REPS2: variants seen among roughly 807,000 people sequenced by gnomAD.
The protein encoded by REPS2 is RALBP1 associated Eps domain containing 2.
REPS2 carries 23 observed loss-of-function variants against 53.6 expected under a neutral mutation model. That is an observed-to-expected ratio of 0.43 (90% CI 0.31 to 0.61). The LOEUF (loss-of-function observed/expected upper bound fraction) is 0.61. REPS2 is among the 20% of genes least tolerant of loss of function. The pLI, the probability that REPS2 is intolerant of heterozygous loss-of-function variation, is 0.11. For synonymous variants in REPS2, 238 were observed against 218.6 expected (o/e 1.09, Z -0.78); for missense variants, 446 against 534.9 (o/e 0.83, Z 1.64).
At chrX:17,075,242 G>A (rs2062363299) in intron 12 of REPS2, among the ~76,000 whole-genome samples, 2 of 112,067 alleles carry the variant, frequency 1.8e-5, no homozygotes, top group Admixed American at 1.9e-4. Flanking sequence ...TGTGGGATAT[G>A]CTTTCATAGT....
In REPS2 at chrX:16,963,049, C is replaced by T. The variant is rs769562472; in HGVS notation, c.273+15915C>T. On this transcript the variant is annotated intron_variant, in intron 1 of 17. Transcript: ENST00000357277. ...GAAAGGTAGAGGCTGCAGTGACCTG[C>T]GATTGCACCACTGCACTCCAGCCTG... Among the ~76,000 whole-genome samples, 6 of 111,321 alleles carry T rather than the reference C, an allele frequency of 5.4e-5. No individual in the cohort carries two copies. The East Asian group carries it at 1.1e-3, about 21-fold the overall frequency.
intron 14 of REPS2, among the ~76,000 whole-genome samples, chrX:17,119,032 C>T (rs191454356): frequency 6.2e-5 from 7 of 112,531 alleles, no homozygotes; most frequent in African/African-American, 9.7e-5. Context: ...ACAGAGTGCC[C>T]GATGCTCTTC....
chrX:17,113,091 C>CAAAAA (rs10567369), intron 14 of REPS2, among the ~76,000 whole-genome samples: 20 of 13,556 alleles, frequency 1.5e-3, no homozygotes, highest in African/African-American at 2.9e-3. Context: ...GACTCTGTCT[C>CAAAAA]AAAAAAAAAA....
In REPS2 at chrX:16,964,356, C is replaced by T. The variant is rs1429720194; in HGVS notation, c.273+17222C>T. Among the ~76,000 whole-genome samples, 6 of 108,708 alleles carry T rather than the reference C, an allele frequency of 5.5e-5. 1 individual carries two copies. Among genetic ancestry groups the T allele is most frequent in the African/African-American group, 1.4e-4 (4 of 29,149 alleles). The allele number at this position is 108,708 out of a possible 115,157, so 94.4% of individuals were successfully genotyped here. A position where few individuals can be genotyped will look rare whatever the true frequency, so the allele number is the denominator to read the frequency against. ...AGCACCGGGTTGGGGGTAAGGTCACCGATCAACAGGATCCCAAGGCAGAAG... is the reference window on the plus strand; with the variant it reads ...AGCACCGGGTTGGGGGTAAGGTCACTGATCAACAGGATCCCAAGGCAGAAG... On this transcript the variant is annotated intron_variant, in intron 1 of 17. Transcript: ENST00000357277.
At chrX:17,013,649 TG>T (rs1211028228) in intron 2 of REPS2, among the ~76,000 whole-genome samples, 47 of 110,028 alleles carry the variant, frequency 4.3e-4, no homozygotes, top group African/African-American at 1.5e-3. Context: ...TGTGTGTGTG[TG>T]TGTGTGTGTG....
intron 1 of REPS2, among the ~76,000 whole-genome samples, chrX:16,965,130 G>C (rs2060732380): frequency 1.1e-5 from 1 of 92,260 alleles, no homozygotes; most frequent in Non-Finnish European, 2.2e-5. Flanking sequence ...CGGCTGGCCG[G>C]GTGGGGGGCT....
chrX:16,982,650 A>G (rs757070469), intron 1 of REPS2, among the ~76,000 whole-genome samples: 2 of 112,137 alleles, frequency 1.8e-5, no homozygotes, highest in South Asian at 3.7e-4. Context: ...TTCACTGTCC[A>G]TTTATTACCA....
At chrX:17,063,799 C>G (rs990259163) in intron 9 of REPS2, among the ~76,000 whole-genome samples, 51 of 110,494 alleles carry the variant, frequency 4.6e-4, no homozygotes, top group African/African-American at 1.6e-3. Context: ...ATCTATGGCT[C>G]TCTGACTATG....
chrX:17,045,960 TG>T (rs2061899354), intron 5 of REPS2, among the ~76,000 whole-genome samples: 1 of 108,537 alleles, frequency 9.2e-6, no homozygotes, highest in Non-Finnish European at 1.9e-5. Flanking sequence ...TGTGTGTGTG[TG>T]GGTGTGGGGA....
chrX:17,158,579 GA>G, the REPS2 span, among the ~76,000 whole-genome samples: 6 of 111,805 alleles, frequency 5.4e-5, no homozygotes, highest in African/African-American at 9.7e-5. Context: ...ACTAACTTTA[GA>G]AAAAAAATTG....
intron 14 of REPS2, among the ~76,000 whole-genome samples, chrX:17,126,793 A>G (rs923564439): frequency 4.5e-5 from 5 of 111,863 alleles, no homozygotes; most frequent in Non-Finnish European, 9.4e-5. Flanking sequence ...CTTTAGCACA[A>G]CAGGAGAGTT....
At chrX:16,995,984 C>T (rs948078399) in intron 1 of REPS2, among the ~76,000 whole-genome samples, 3 of 111,162 alleles carry the variant, frequency 2.7e-5, no homozygotes, top group African/African-American at 9.8e-5. Context: ...ATAGTATCTA[C>T]AGGTAGTTCC....
At chrX:17,116,297 C>A (rs1024180860) in intron 14 of REPS2, among the ~76,000 whole-genome samples, 2 of 110,459 alleles carry the variant, frequency 1.8e-5, no homozygotes, top group African/African-American at 6.6e-5. Flanking sequence ...GCAGCCTCAA[C>A]CTCCTGGGCT....
chrX:17,078,137 C>T (rs927757012), intron 13 of REPS2, among the ~76,000 whole-genome samples: 7 of 112,234 alleles, frequency 6.2e-5, no homozygotes, highest in African/African-American at 1.9e-4. Flanking sequence ...TGATAGGATA[C>T]GGTGCTGTCC....
intron 14 of REPS2, among the ~76,000 whole-genome samples, chrX:17,118,667 A>G (rs1385986065): frequency 8.9e-6 from 1 of 111,857 alleles, no homozygotes; most frequent in Admixed American, 9.5e-5. Context: ...ACAAAAATTA[A>G]CTGTAGATCT....
At chrX:16,963,157 G>A (rs1247227784) in intron 1 of REPS2, among the ~76,000 whole-genome samples, 2 of 111,679 alleles carry the variant, frequency 1.8e-5, no homozygotes, top group Non-Finnish European at 3.8e-5. Context: ...TTCAGGATTT[G>A]TTCTATTTGT....
chrX:17,160,528 G>A, the REPS2 span, among the ~76,000 whole-genome samples: 1 of 112,830 alleles, frequency 8.9e-6, no homozygotes, highest in African/African-American at 3.2e-5. Flanking sequence ...CTTAAGAATT[G>A]TATACTAATA....
chrX:17,080,774 C>G (rs995944032), intron 13 of REPS2, among the ~76,000 whole-genome samples: 1 of 112,169 alleles, frequency 8.9e-6, no homozygotes, highest in African/African-American at 3.2e-5. Flanking sequence ...TGTTATTGGC[C>G]ATAAATATTC....
At chrX:17,095,520 C>T (rs910852915) in intron 13 of REPS2, among the ~76,000 whole-genome samples, 1 of 40,199 alleles carries the variant, frequency 2.5e-5, no homozygotes, top group Non-Finnish European at 4.3e-5. Context: ...CTGCTTCAAT[C>T]AGTCTTTTTT....
Sources: gnomAD v4.1 joint callset for allele counts (sites outside exome capture counted in the v4.1 genomes callset) on GRCh38, gnomAD v4.1.1 for gene constraint, MANE v1.5 for transcripts, NCBI Gene and HGNC (gene_info 2026-07-23, HGNC 2026-07-21) for gene names.